The following LINGO2 variants were observed in gnomAD, a reference collection of about 807,000 sequenced individuals.
LINGO2 encodes leucine rich repeat and Ig domain containing 2.
A neutral mutation model predicts 30.6 loss-of-function variants in LINGO2; 14 were observed. That is an observed-to-expected ratio of 0.46 (90% confidence interval 0.30 to 0.72). The LOEUF (loss-of-function observed/expected upper bound fraction) is 0.72, where lower values mean the gene tolerates loss of function less well. LINGO2 is among the 30% of genes least tolerant of loss of function. LINGO2 has a pLI of 0.07. For synonymous variants in LINGO2, 317 were observed against 288.5 expected (o/e 1.10, Z -1.00); for missense variants, 729 against 751.7 (o/e 0.97, Z 0.35).
At chr9:28,881,808 C>T in the LINGO2 span, among the ~76,000 whole-genome samples, 1 of 152,192 alleles carries the variant, frequency 6.6e-6, no homozygotes, top group Non-Finnish European at 1.5e-5. Context: ...ACCAGTCAGT[C>T]CCTGCCCTCT....
At chr9:28,953,709 GAA>G in the LINGO2 span, among the ~76,000 whole-genome samples, 19 of 152,162 alleles carry the variant, frequency 1.2e-4, no homozygotes, top group African/African-American at 3.4e-4. Context: ...TTGGAGAAAA[GAA>G]AGAGATTTTT....
At chr9:29,074,274 G>A in the LINGO2 span, among the ~76,000 whole-genome samples, 1 of 149,980 alleles carries the variant, frequency 6.7e-6, no homozygotes, top group Non-Finnish European at 1.5e-5. Flanking sequence ...TAGATCAAAT[G>A]TTATCATCAT....
intron 4 of LINGO2, among the ~76,000 whole-genome samples, chr9:28,040,375 TG>T (rs1247450832): frequency 6.6e-5 from 10 of 151,888 alleles, no homozygotes; most frequent in African/African-American, 9.7e-5. Flanking sequence ...AATGGTCCAA[TG>T]TAACTTCCTT....
intron 4 of LINGO2, among the ~76,000 whole-genome samples, chr9:28,265,451 A>G (rs1465910334): frequency 6.6e-6 from 1 of 152,014 alleles, no homozygotes; most frequent in Non-Finnish European, 1.5e-5. Flanking sequence ...TGTAAATTAT[A>G]TGATAGGGAC....
At chr9:28,275,776 C>A (rs1173504788) in intron 4 of LINGO2, among the ~76,000 whole-genome samples, 1 of 152,228 alleles carries the variant, frequency 6.6e-6, no homozygotes, top group African/African-American at 2.4e-5. Context: ...AGAGATCGAC[C>A]TTTAATGTTT....
Position 27,950,187 on chromosome 9 carries a change from T to TC in LINGO2, c.484dup (p.Asp162GlyfsTer3). 6.2e-7 allele frequency: 1 copy of TC among 1,613,996 alleles called. No individual in the cohort carries two copies. The highest frequency in any genetic ancestry group is 8.5e-7 in the Non-Finnish European group (1 of 1,179,990). ...GTGTGATATATAAACCAAATCATTG[T>TC]CCCCCACTTCTAGAGACTTCAGGTT... is the stretch of plus-strand genomic sequence containing the variant. On this transcript the variant is annotated frameshift_variant, in exon 6 of 6. Transcript: ENST00000379992. LOFTEE classifies it high-confidence loss of function.
Position 28,063,282 on chromosome 9 carries a change from TCA to T in LINGO2, c.-86-50879_-86-50878del, listed in dbSNP as rs143708151. On this transcript the variant is annotated intron_variant, in intron 4 of 5. Coordinates refer to ENST00000379992, the Ensembl canonical transcript of LINGO2. Reference sequence around the variant, plus strand: ...CGAAGGATTGTAAATGCTTAATACCTCACAGAGATTTTTCTGAAACAATATTA... The same window carrying T: ...CGAAGGATTGTAAATGCTTAATACCTCAGAGATTTTTCTGAAACAATATTA... 3.0e-3 allele frequency among the ~76,000 whole-genome samples: 463 copies of T among 152,248 alleles called. 4 individuals carry two copies. Among genetic ancestry groups the T allele is most frequent in the African/African-American group, 0.011 (450 of 41,560 alleles).
the LINGO2 span, among the ~76,000 whole-genome samples, chr9:28,864,019 G>A: frequency 6.6e-6 from 1 of 152,050 alleles, no homozygotes; most frequent in Non-Finnish European, 1.5e-5. Flanking sequence ...AAAGGGCATG[G>A]TTATTAATAT....
chr9:28,791,356 T>A, the LINGO2 span, among the ~76,000 whole-genome samples: 1 of 152,128 alleles, frequency 6.6e-6, no homozygotes, highest in Non-Finnish European at 1.5e-5. Flanking sequence ...CACCTCTGTG[T>A]ATTCATTCTG....
intron 1 of LINGO2, among the ~76,000 whole-genome samples, chr9:28,504,615 A>C (rs1820028434): frequency 6.6e-6 from 1 of 151,674 alleles, no homozygotes; most frequent in African/African-American, 2.4e-5. Flanking sequence ...ATTTTAATGC[A>C]TTAGCTTCAT....
intron 4 of LINGO2, among the ~76,000 whole-genome samples, chr9:28,117,683 T>C (rs942154548): frequency 7.2e-6 from 1 of 138,144 alleles, no homozygotes; most frequent in Non-Finnish European, 1.6e-5. Context: ...TCCAGGTGCG[T>C]CCGTCACCCC....
chr9:29,112,914 A>T, the LINGO2 span, among the ~76,000 whole-genome samples: 8 of 152,314 alleles, frequency 5.3e-5, no homozygotes, highest in East Asian at 1.4e-3. Context: ...AAAGCCTTTA[A>T]GGAAGATACT....
At chr9:28,695,048 TACAA>T in the LINGO2 span, among the ~76,000 whole-genome samples, 42,101 of 149,972 alleles carry the variant, frequency 0.28, 6,581 homozygotes, top group African/African-American at 0.43. Context: ...CAATCTCTAA[TACAA>T]ACAAACAAAC....
the LINGO2 span, among the ~76,000 whole-genome samples, chr9:29,047,941 A>AAACAAC: frequency 6.6e-6 from 1 of 151,576 alleles, no homozygotes; most frequent in Non-Finnish European, 1.5e-5. Flanking sequence ...CTGTCTCCCA[A>AAACAAC]AACAACAACA....
the LINGO2 span, among the ~76,000 whole-genome samples, chr9:28,991,159 G>T: frequency 2.0e-5 from 3 of 152,218 alleles, no homozygotes; most frequent in South Asian, 4.2e-4. Context: ...CCAATACAGA[G>T]AAGTGCTTAA....
At chr9:28,799,548 T>C in the LINGO2 span, among the ~76,000 whole-genome samples, 1 of 152,076 alleles carries the variant, frequency 6.6e-6, no homozygotes, top group Non-Finnish European at 1.5e-5. Context: ...AGCAGGGTTT[T>C]AAGAACTGAG....
the LINGO2 span, among the ~76,000 whole-genome samples, chr9:29,137,869 T>A: frequency 2.6e-5 from 4 of 152,210 alleles, no homozygotes; most frequent in Admixed American, 2.6e-4. Flanking sequence ...TATCTGCATC[T>A]CAATTTTCTG....
At chr9:27,943,871 C>A (rs62541087), downstream of LINGO2, 1 of 152,024 alleles carries the variant, frequency 6.6e-6, no homozygotes, top group Non-Finnish European at 1.5e-5. Context: ...TGCTCTTTTT[C>A]TCCTTCCTAT....
chr9:28,350,300 G>C (rs1319633273), intron 3 of LINGO2, among the ~76,000 whole-genome samples: 1 of 143,382 alleles, frequency 7.0e-6, no homozygotes, highest in Non-Finnish European at 1.5e-5. Context: ...AAAGGATGGA[G>C]GAAGATCTAC....
Sources: gnomAD v4.1 joint callset for allele counts (sites outside exome capture counted in the v4.1 genomes callset) on GRCh38, gnomAD v4.1.1 for gene constraint, MANE v1.5 for transcripts, NCBI Gene and HGNC (gene_info 2026-07-23, HGNC 2026-07-21) for gene names.